The following MYRIP variants were observed in gnomAD, a reference collection of about 807,000 sequenced individuals.
MYRIP encodes myosin VIIA and Rab interacting protein.
Under a neutral mutation model 98.0 loss-of-function variants are expected in MYRIP, and 49 were observed. The observed-to-expected ratio is 0.50, with a 90% CI of 0.40 to 0.63. The LOEUF is 0.63. MYRIP is among the 30% of genes least tolerant of loss of function. The pLI is 0.00. For missense variants in MYRIP, 1,004 were observed against 1,058.2 expected (o/e 0.95, Z 0.71); for synonymous variants, 404 against 409.5 (o/e 0.99, Z 0.16).
chr3:40,076,873 C>T (rs1461223067), intron 3 of MYRIP, among the ~76,000 whole-genome samples: 2 of 152,182 alleles, frequency 1.3e-5, no homozygotes, highest in Non-Finnish European at 2.9e-5. Flanking sequence ...CCTTTTTCTT[C>T]ATAATTTTCT....
At chr3:39,820,626 A>T (rs1407130492) in intron 1 of MYRIP, among the ~76,000 whole-genome samples, 1 of 152,214 alleles carries the variant, frequency 6.6e-6, no homozygotes, top group African/African-American at 2.4e-5. Flanking sequence ...ATTTACTAGA[A>T]TGATACGTAA....
intron 2 of MYRIP, among the ~76,000 whole-genome samples, chr3:39,953,201 G>T (rs560970803): frequency 6.6e-6 from 1 of 152,250 alleles, no homozygotes; most frequent in South Asian, 2.1e-4. Flanking sequence ...GGATGTGTTG[G>T]AGATAATAAG....
At chr3:39,905,166 A>G (rs1394971294) in intron 2 of MYRIP, among the ~76,000 whole-genome samples, 2 of 152,178 alleles carry the variant, frequency 1.3e-5, no homozygotes, top group East Asian at 3.9e-4. Context: ...GGTTAATTTT[A>G]TTTTCTGTGT....
chr3:39,959,952 T>C (rs954606558), intron 2 of MYRIP, among the ~76,000 whole-genome samples: 1 of 151,992 alleles, frequency 6.6e-6, no homozygotes, highest in African/African-American at 2.4e-5. Context: ...ACTTGTGATA[T>C]GAGGTACAAA....
chr3:40,076,137 T>C (rs917571251), intron 3 of MYRIP, among the ~76,000 whole-genome samples: 1 of 152,152 alleles, frequency 6.6e-6, no homozygotes, highest in African/African-American at 2.4e-5. Flanking sequence ...TCTGGGAGGT[T>C]GAAGTGCAAT....
intron 2 of MYRIP, among the ~76,000 whole-genome samples, chr3:40,038,276 A>T (rs143509770): frequency 1.3e-5 from 2 of 152,286 alleles, no homozygotes; most frequent in African/African-American, 4.8e-5. Flanking sequence ...AGAGTTTTAT[A>T]GCCTTAAATG....
At chr3:39,876,049 G>C (rs1942983181) in intron 1 of MYRIP, among the ~76,000 whole-genome samples, 1 of 152,084 alleles carries the variant, frequency 6.6e-6, no homozygotes, top group Non-Finnish European at 1.5e-5. Context: ...TATATATTTA[G>C]GATAGTTAGC....
chr3:40,167,912 T>C (rs758116139), intron 7 of MYRIP, among the ~76,000 whole-genome samples: 8 of 152,230 alleles, frequency 5.3e-5, no homozygotes, highest in Non-Finnish European at 8.8e-5. Context: ...ATGCTCTCTC[T>C]GTGAACATCA....
intron 8 of MYRIP, among the ~76,000 whole-genome samples, chr3:40,174,971 A>G (rs1220661774): frequency 6.6e-6 from 1 of 151,956 alleles, no homozygotes; most frequent in Non-Finnish European, 1.5e-5. Flanking sequence ...GTGAAACCCC[A>G]TCTCTATTAA....
chr3:39,894,481 G>A (rs900741386), intron 1 of MYRIP, among the ~76,000 whole-genome samples: 3 of 152,178 alleles, frequency 2.0e-5, no homozygotes, highest in South Asian at 2.1e-4. Context: ...GTTCCCGTGG[G>A]TGAATATACC....
chr3:39,976,538 T>C (rs951501932), intron 2 of MYRIP, among the ~76,000 whole-genome samples: 1 of 152,176 alleles, frequency 6.6e-6, no homozygotes, highest in African/African-American at 2.4e-5. Flanking sequence ...AGCCATCCCG[T>C]TACTGGGTAT....
intron 10 of MYRIP, among the ~76,000 whole-genome samples, chr3:40,201,832 A>G (rs1951569950): frequency 6.6e-6 from 1 of 152,198 alleles, no homozygotes; most frequent in Non-Finnish European, 1.5e-5. Context: ...ACAGCATGTG[A>G]ATAAAACTAG....
intron 1 of MYRIP, among the ~76,000 whole-genome samples, chr3:39,811,875 G>A (rs1384757398): frequency 6.6e-6 from 1 of 152,154 alleles, no homozygotes; most frequent in Non-Finnish European, 1.5e-5. Flanking sequence ...TAAACTAGCG[G>A]TAGCATAGAT....
chr3:39,933,782 G>T (rs2125702379), intron 2 of MYRIP, among the ~76,000 whole-genome samples: 1 of 152,314 alleles, frequency 6.6e-6, no homozygotes, highest in East Asian at 1.9e-4. Flanking sequence ...CATTGTGCTA[G>T]AGACTACATT....
chr3:39,967,420 T>C (rs933728258), intron 2 of MYRIP, among the ~76,000 whole-genome samples: 1 of 152,162 alleles, frequency 6.6e-6, no homozygotes, highest in Non-Finnish European at 1.5e-5. Flanking sequence ...AAAGATCTTA[T>C]TCATTTTTAG....
At chr3:39,819,786 G>A (rs1941049331) in intron 1 of MYRIP, among the ~76,000 whole-genome samples, 1 of 152,214 alleles carries the variant, frequency 6.6e-6, no homozygotes, top group Non-Finnish European at 1.5e-5. Flanking sequence ...TTACCCTGAG[G>A]ATGAATTCTG....
chr3:39,848,093 C>T (rs543781352), intron 1 of MYRIP, among the ~76,000 whole-genome samples: 3 of 152,280 alleles, frequency 2.0e-5, no homozygotes, highest in East Asian at 3.9e-4. Flanking sequence ...AAATGAGCAG[C>T]CTTCTAGTGT....
intron 11 of MYRIP, among the ~76,000 whole-genome samples, chr3:40,226,400 T>C (rs539635262): frequency 2.6e-4 from 40 of 152,290 alleles, no homozygotes; most frequent in Admixed American, 4.6e-4. Flanking sequence ...TCCAGAATAT[T>C]GCACCTTATA....
rs73827319 is a variant in MYRIP at position 40,145,028 on chromosome 3, C to T, written c.333-6020C>T. ...TATCAAGCCCTCTTCTGATGCCAGG[C>T]GCCTTATTATTTATGTTATATTATT... On this transcript the variant is annotated intron_variant, in intron 3 of 16. Coordinates refer to ENST00000302541, the MANE Select transcript of MYRIP (RefSeq NM_015460.4). Among the ~76,000 whole-genome samples, 480 of 152,258 alleles carry T rather than the reference C, an allele frequency of 3.2e-3. 2 individuals carry two copies. The highest frequency in any genetic ancestry group is 0.011 in the African/African-American group (448 of 41,544).
Sources: allele counts gnomAD v4.1 joint callset (sites outside exome capture counted in the v4.1 genomes callset), GRCh38; gene constraint gnomAD v4.1.1; transcripts MANE v1.5; gene names NCBI Gene and HGNC (gene_info 2026-07-23, HGNC 2026-07-21).